Variants in CNOT1 observed in about 807,000 individuals in gnomAD.
CNOT1 encodes the protein CCR4-NOT transcription complex subunit 1.
In CNOT1, 15 loss-of-function variants were observed where a neutral mutation model predicts 273.8. That is an observed-to-expected ratio of 0.05 (90% CI 0.04 to 0.08). The LOEUF is 0.08. Among genes scored for constraint, CNOT1 ranks in the 10% least tolerant of loss-of-function variants. CNOT1 has a pLI of 1.00. For synonymous variants in CNOT1, 1,022 were observed against 1,005.5 expected (o/e 1.02, Z -0.31); for missense variants, 1,644 against 2,912.2 (o/e 0.56, Z 10.02).
At chr16:58,588,399 A>T (rs985844113) in intron 3 of CNOT1, among the ~76,000 whole-genome samples, 1 of 152,234 alleles carries the variant, frequency 6.6e-6, no homozygotes, top group Non-Finnish European at 1.5e-5. Flanking sequence ...GTCTATTAGC[A>T]GCAAAACTTC....
chr16:58,615,903 A>T lies in CNOT1; in HGVS notation c.-175+13825T>A. Among the ~76,000 whole-genome samples, 2 of 119,860 alleles carry T rather than the reference A, an allele frequency of 1.7e-5. 1 individual carries two copies. The highest frequency in any genetic ancestry group is 4.9e-4 in the South Asian group (2 of 4,066). The allele number at this position is 119,860 out of a possible 152,430, so 78.6% of individuals were successfully genotyped here. ...TCAAGACCAGCCTAGGCAACATAGA[A>T]TAACCCCATCTCTACTTTTTTTTTT... On this transcript the variant is annotated intron_variant, in intron 1 of 48. Transcript: ENST00000317147.
In CNOT1 at chr16:58,563,330, A is replaced by C. The variant is rs148068348; in HGVS notation, c.1980-2968T>G. On this transcript the variant is annotated intron_variant, in intron 16 of 48. Coordinates refer to ENST00000317147, the MANE Select transcript of CNOT1 (RefSeq NM_016284.5). Reference sequence around the variant, plus strand: ...CTGTATGGGTTGGTAGCTTAGGAGGAATAGGCCATACCACATAGGCAAACT... The same window carrying C: ...CTGTATGGGTTGGTAGCTTAGGAGGCATAGGCCATACCACATAGGCAAACT... Among the ~76,000 whole-genome samples the C allele has an allele frequency of 1.8e-3, 277 of 152,292 alleles. 2 individuals are homozygous for C. The highest frequency in any genetic ancestry group is 6.5e-3 in the African/African-American group (270 of 41,564).
At chr16:58,557,141 T>C (rs2040658016) in intron 18 of CNOT1, 148 bp from the exon 19 acceptor site, 1 of 1,140,622 alleles carries the variant, frequency 8.8e-7, no homozygotes, top group Non-Finnish European at 1.2e-6. Flanking sequence ...AATTCCCTTA[T>C]TACATCTATT....
intron 14 of CNOT1, 22 bp from the exon 15 acceptor site, chr16:58,575,151 A>G (rs1199219113): frequency 6.2e-7 from 1 of 1,604,504 alleles, no homozygotes; most frequent in African/African-American, 1.3e-5. Flanking sequence ...AGCACATTAG[A>G]TAATGCAAAT....
At position 58,542,584 on chromosome 16, in the gene CNOT1, G is replaced by T; in HGVS notation, c.4435-16C>A. 3 of 1,541,294 alleles carry T rather than the reference G, an allele frequency of 1.9e-6. No individual in the cohort carries two copies. The highest frequency in any genetic ancestry group is 2.3e-5 in the South Asian group (2 of 86,616). On this transcript the variant is annotated splice_polypyrimidine_tract_variant and intron_variant, in intron 31 of 48. Transcript: ENST00000317147. ...GGGAAGCAGTCTATTAATGGAGGTG[G>T]GTGGGGGGGTGGGGGGAATAGAAGG... is the stretch of plus-strand genomic sequence containing the variant.
chr16:58,523,625 G>T, intron 46 of CNOT1, 123 bp from the exon 47 acceptor site: 1 of 808,150 alleles, frequency 1.2e-6, no homozygotes. Context: ...GTTTAAAGCA[G>T]TGGTTCTTGG....
chr16:58,550,731 T>C (rs1490845816), intron 24 of CNOT1, among the ~76,000 whole-genome samples: 1 of 152,188 alleles, frequency 6.6e-6, no homozygotes, highest in African/African-American at 2.4e-5. Context: ...AACGCCCATG[T>C]TGCTCAAGGG....
intron 16 of CNOT1, among the ~76,000 whole-genome samples, chr16:58,573,667 G>A (rs1254384247): frequency 6.6e-6 from 1 of 151,672 alleles, no homozygotes; most frequent in African/African-American, 2.4e-5. Context: ...ATTTTTAGTA[G>A]AGACAGGGTT....
rs942751306 is a variant in CNOT1, at chr16:58,529,449, A to G, written c.6279+797T>C. Among the ~76,000 whole-genome samples, 6 of 152,304 alleles carry G rather than the reference A, an allele frequency of 3.9e-5. No homozygotes were observed. The East Asian group carries it at 1.2e-3, about 29-fold the overall frequency. On this transcript the variant is annotated intron_variant, in intron 43 of 48. Coordinates refer to ENST00000317147, the MANE Select transcript of CNOT1 (RefSeq NM_016284.5). ...TAAAACATATAAAGAATTATTTAAT[A>G]AATAAAAATACAAACAAGAGCCAAA...
chr16:58,610,367 A>T (rs1251111089), intron 1 of CNOT1, among the ~76,000 whole-genome samples: 2 of 152,034 alleles, frequency 1.3e-5, no homozygotes, highest in African/African-American at 4.8e-5. Context: ...GATCACACCA[A>T]TGCACGCCAG....
chr16:58,583,303 A>G (rs1056837581), intron 8 of CNOT1, 121 bp from the exon 9 acceptor site: 3 of 1,483,312 alleles, frequency 2.0e-6, no homozygotes, highest in South Asian at 2.8e-5. Flanking sequence ...CAGGCAGAGC[A>G]GTAAGTGTTA....
intron 9 of CNOT1, 50 bp downstream of exon 9, chr16:58,583,004 TAA>T (rs1204438697): frequency 6.2e-7 from 1 of 1,604,226 alleles, no homozygotes; most frequent in Admixed American, 1.7e-5. Flanking sequence ...TAAAAAAAAA[TAA>T]AGAGGACAGG....
At chr16:58,544,518 AATT>A (rs2040195493) in intron 30 of CNOT1, among the ~76,000 whole-genome samples, 2 of 152,246 alleles carry the variant, frequency 1.3e-5, no homozygotes, top group South Asian at 4.1e-4. Context: ...GATGAATCAC[AATT>A]TCTGGATCTA....
At chr16:58,625,519 AC>A (rs2043530430) in intron 1 of CNOT1, among the ~76,000 whole-genome samples, 3 of 151,776 alleles carry the variant, frequency 2.0e-5, no homozygotes, top group South Asian at 2.1e-4. Context: ...TTTTAAAAAA[AC>A]ATATATATAT....
Position 58,537,973 on chromosome 16 carries a change from G to A in CNOT1, c.5332C>T (p.His1778Tyr), listed in dbSNP as rs753057598. The A allele has an allele frequency of 2.5e-6, 4 of 1,614,144 alleles. No individual in the cohort carries two copies. In the Admixed American group the frequency reaches 5.0e-5, roughly 20 times the overall value. Residue 1778 changes from histidine to tyrosine, a missense_variant, in exon 38 of 49, where the codon CAT (histidine) becomes TAT (tyrosine). Around this residue, in one of 13 missense-constraint regions of CNOT1, gnomAD observed 170 missense variants for 273.1 expected, o/e 0.62. Transcript: ENST00000317147. ...TGGAACAGATCTGCCTCAGTAACAT[G>A]AGCAACACTCCTTTCATCCACCAGC... ...ILLVDERSVAHVTEADLFHTI... is the reference protein window; with the variant it reads ...ILLVDERSVAYVTEADLFHTI...
chr16:58,623,592 T>G (rs553948936), intron 1 of CNOT1, among the ~76,000 whole-genome samples: 1 of 152,210 alleles, frequency 6.6e-6, no homozygotes, highest in Non-Finnish European at 1.5e-5. Flanking sequence ...AGCTTCCAGA[T>G]AGCTGAGGCA....
intron 1 of CNOT1, among the ~76,000 whole-genome samples, chr16:58,602,827 T>A (rs921792278): frequency 1.8e-4 from 27 of 151,864 alleles, no homozygotes; most frequent in African/African-American, 6.5e-4. Context: ...AGCCCAAACC[T>A]CTCTCATAGT....
intron 39 of CNOT1, among the ~76,000 whole-genome samples, chr16:58,535,103 CA>C (rs1161794937): frequency 6.6e-6 from 1 of 150,998 alleles, no homozygotes; most frequent in Non-Finnish European, 1.5e-5. Context: ...AACAAACAAA[CA>C]AAAAAAGACA....
chr16:58,558,848 T>C (rs1043748901), intron 17 of CNOT1, among the ~76,000 whole-genome samples, 174 bp from the exon 18 acceptor site: 2 of 152,202 alleles, frequency 1.3e-5, no homozygotes, highest in African/African-American at 4.8e-5. Context: ...GTCACTTTTC[T>C]TACTGTGTCA....
Sources: allele counts gnomAD v4.1 joint callset (sites outside exome capture counted in the v4.1 genomes callset), GRCh38; gene constraint gnomAD v4.1.1; regional missense constraint gnomAD v4.1.1; transcripts MANE v1.5; gene names NCBI Gene and HGNC (gene_info 2026-07-23, HGNC 2026-07-21).